VPS37A: variants seen among roughly 807,000 people sequenced by gnomAD.
VPS37A encodes the protein vacuolar protein sorting-associated protein 37A.
VPS37A carries 30 observed loss-of-function variants against 49.8 expected under a neutral mutation model. That is an observed-to-expected ratio of 0.60 (90% CI 0.45 to 0.82). VPS37A has a LOEUF of 0.82. VPS37A is among the 40% of genes least tolerant of loss of function. The probability of loss-of-function intolerance (pLI) is 0.00; values close to 1 mark genes in which losing one functional copy is unlikely to be tolerated. For missense variants in VPS37A, 593 were observed against 464.4 expected, an observed-to-expected ratio of 1.28 and a Z score of -2.55; for synonymous variants, 195 against 160.6, an observed-to-expected ratio of 1.21 and a Z score of -1.62.
At chr8:17,269,394 A>G (rs998460438) in intron 4 of VPS37A, among the ~76,000 whole-genome samples, 1 of 151,720 alleles carries the variant, frequency 6.6e-6, no homozygotes, top group East Asian at 1.9e-4. Context: ...TTATGGTGCA[A>G]TTTTTTGCCT....
chr8:17,299,952 G>T, downstream of VPS37A: 2 of 1,614,122 alleles, frequency 1.2e-6, no homozygotes, highest in East Asian at 2.2e-5. Context: ...GAGACCGACA[G>T]CTCAAATCCT....
the VPS37A span, among the ~76,000 whole-genome samples, chr8:17,308,585 AAATTTT>A: frequency 6.6e-6 from 1 of 152,248 alleles, no homozygotes; most frequent in Admixed American, 6.5e-5. Flanking sequence ...GCCTAAATTT[AAATTTT>A]ATCACCAAAG....
rs1814142869 is a variant in VPS37A at position 17,272,980 on chromosome 8, T to G, written c.417-1753T>G. 5.3e-5 allele frequency among the ~76,000 whole-genome samples: 8 copies of G among 151,378 alleles called. No homozygotes were observed. In the South Asian group the frequency reaches 1.7e-3, roughly 31 times the overall value. Reference sequence around the variant, plus strand: ...ACAAGAAAATATATATAGTATTGTATTTTCCCCCTTTTTTATATGAATGGT... The same window carrying G: ...ACAAGAAAATATATATAGTATTGTAGTTTCCCCCTTTTTTATATGAATGGT... On this transcript the variant is annotated intron_variant, in intron 4 of 11. Transcript: ENST00000324849.
intron 1 of VPS37A, among the ~76,000 whole-genome samples, chr8:17,259,562 T>C (rs1812787945): frequency 6.6e-6 from 1 of 152,140 alleles, no homozygotes; most frequent in Non-Finnish European, 1.5e-5. Flanking sequence ...TTGAGTGCAG[T>C]GTTCTGTAAA....
rs991656633 is a variant in VPS37A, at chr8:17,297,911, A to T, written c.*2925A>T. ...TCTGTCTTGTAAAAAAGTTGAGGGG[A>T]CTAAAAGTTTATGACTCTGATATGG... On this transcript the variant is annotated 3_prime_UTR_variant, in exon 12 of 12. Transcript: ENST00000324849. The T allele has an allele frequency of 4.6e-5, 7 of 152,200 alleles. No homozygotes were observed. The highest frequency in any genetic ancestry group is 2.6e-4 in the Admixed American group (4 of 15,292). The allele number at this position is 152,200 out of a possible 1,614,324, so 9.4% of individuals were successfully genotyped here. A position where few individuals can be genotyped will look rare whatever the true frequency, so the allele number is the denominator to read the frequency against.
chr8:17,324,272 G>A, the VPS37A span, among the ~76,000 whole-genome samples: 4 of 152,306 alleles, frequency 2.6e-5, no homozygotes, highest in Admixed American at 6.5e-5. Context: ...ATAGATGAGC[G>A]TCTGCGATAA....
intron 10 of VPS37A, 32 bp downstream of exon 10, chr8:17,284,648 T>C: frequency 6.4e-7 from 1 of 1,552,392 alleles, no homozygotes; most frequent in Non-Finnish European, 8.6e-7. Flanking sequence ...AGGACAAGTA[T>C]TGGATAAAGT....
intron 5 of VPS37A, among the ~76,000 whole-genome samples, chr8:17,275,305 G>A (rs570068409): frequency 6.6e-5 from 10 of 152,298 alleles, no homozygotes; most frequent in African/African-American, 2.4e-4. Context: ...GATGAATATA[G>A]TGGGTACTCT....
intron 10 of VPS37A, among the ~76,000 whole-genome samples, chr8:17,285,286 C>T (rs764077304): frequency 1.9e-4 from 29 of 152,138 alleles, no homozygotes; most frequent in Non-Finnish European, 3.7e-4. Flanking sequence ...TTCTGTAATA[C>T]AGCTGATAAA....
intron 11 of VPS37A, among the ~76,000 whole-genome samples, chr8:17,288,544 A>G (rs1370972108): frequency 6.6e-6 from 1 of 152,204 alleles, no homozygotes; most frequent in Non-Finnish European, 1.5e-5. Flanking sequence ...TGCAAAGGAC[A>G]TGAACTCATT....
rs556912824 is a variant in VPS37A, at chr8:17,294,042, C to T, written c.*1-945C>T. 4.8e-4 allele frequency among the ~76,000 whole-genome samples: 73 copies of T among 152,338 alleles called. 1 individual carries two copies. The highest frequency in any genetic ancestry group is 1.7e-3 in the African/African-American group (72 of 41,584). On this transcript the variant is annotated intron_variant, in intron 11 of 11. Transcript: ENST00000324849. ...GCAGGAACGTTTAAGTGTGTGCAAG[C>T]TGCGCCCACAGCCACCCCTTCCCCC...
At chr8:17,299,920 G>A (rs775648537), downstream of VPS37A, 34 of 1,613,948 alleles carry the variant, frequency 2.1e-5, no homozygotes, top group South Asian at 3.1e-4. Flanking sequence ...ATCTTCACTC[G>A]GTGCATGCTC....
intron 1 of VPS37A, chr8:17,247,617 C>T (rs1811408843): frequency 2.8e-6 from 2 of 706,306 alleles, no homozygotes; most frequent in South Asian, 3.0e-5. Context: ...CCTCCTGACA[C>T]ATAGCTGCTG....
chr8:17,302,275 C>G, downstream of VPS37A: 1 of 1,612,930 alleles, frequency 6.2e-7, no homozygotes, highest in Non-Finnish European at 8.5e-7. Context: ...CATTCCACTC[C>G]AAAACCTGGA....
chr8:17,253,674 C>T (rs1035089069), intron 1 of VPS37A, among the ~76,000 whole-genome samples: 1 of 151,960 alleles, frequency 6.6e-6, no homozygotes, highest in African/African-American at 2.4e-5. Context: ...TTATTTTTTC[C>T]AGAAGACCCC....
At chr8:17,248,175 A>G (rs753563660) in intron 1 of VPS37A, 43 of 370,710 alleles carry the variant, frequency 1.2e-4, no homozygotes, top group Admixed American at 1.8e-4. Flanking sequence ...CTGCTTCTTT[A>G]TATTTTATGC....
At position 17,280,052 on chromosome 8, in the gene VPS37A, T is replaced by A. The variant is rs751000457; in HGVS notation, c.738T>A (p.Asn246Lys). 3 of 1,611,752 alleles carry A rather than the reference T, an allele frequency of 1.9e-6. No homozygotes were observed. The Admixed American group carries it at 5.0e-5, about 27-fold the overall frequency. The change falls in exon 7 of 12, where the codon AAT becomes AAA. Residue 246 changes from asparagine (N) to lysine (K), a missense_variant. Asn to Lys is a moderately conservative substitution (Grantham distance 94). Transcript: ENST00000324849. ...GTGTGTCACAACTCACAGATATGAA[T>A]GAACAAGAGGAGGTATTACTAGAAC... ...ELSVSQLTDM[N>K]EQEEVLLEQF... is the part of the protein sequence containing the mutation.
the VPS37A span, among the ~76,000 whole-genome samples, chr8:17,312,824 A>C: frequency 6.6e-6 from 1 of 152,162 alleles, no homozygotes; most frequent in South Asian, 2.1e-4. Flanking sequence ...AAACTGAACA[A>C]CACAAAAGAC....
chr8:17,271,012 A>G (rs2150382506), intron 4 of VPS37A, among the ~76,000 whole-genome samples: 1 of 152,340 alleles, frequency 6.6e-6, no homozygotes, highest in South Asian at 2.1e-4. Flanking sequence ...AGATTCCAAA[A>G]GAGAGGAAGT....
Sources: allele counts gnomAD v4.1 joint callset (sites outside exome capture counted in the v4.1 genomes callset), GRCh38; gene constraint gnomAD v4.1.1; transcripts MANE v1.5; gene names NCBI Gene and HGNC (gene_info 2026-07-23, HGNC 2026-07-21).